CLVS2: variants seen among roughly 807,000 people sequenced by gnomAD.
CLVS2 encodes the protein clavesin-2.
A neutral mutation model predicts 29.0 loss-of-function variants in CLVS2; 19 were observed. The observed-to-expected ratio is 0.66, with a 90% confidence interval of 0.46 to 0.96. CLVS2 has a LOEUF of 0.96. Ranked by LOEUF, CLVS2 falls within the 40% of genes least tolerant of loss-of-function variation. The pLI, the probability that CLVS2 is intolerant of heterozygous loss-of-function variation, is 0.00. For missense variants in CLVS2, 294 were observed against 404.1 expected, an observed-to-expected ratio of 0.73 and a Z score of 2.34; for synonymous variants, 161 against 151.3, an observed-to-expected ratio of 1.06 and a Z score of -0.47.
chr6:123,037,043 G>T (rs1367479415), intron 3 of CLVS2, among the ~76,000 whole-genome samples: 1 of 152,072 alleles, frequency 6.6e-6, no homozygotes, highest in Non-Finnish European at 1.5e-5. Context: ...GCCTTTACAT[G>T]TATTCATGAA....
chr6:123,022,567 T>G (rs895098995), intron 3 of CLVS2, among the ~76,000 whole-genome samples: 1 of 152,050 alleles, frequency 6.6e-6, no homozygotes, highest in Non-Finnish European at 1.5e-5. Flanking sequence ...ATGATAAAGA[T>G]GATACTCTTC....
intron 2 of CLVS2, 44 bp downstream of exon 2, chr6:122,998,210 T>C: frequency 3.2e-6 from 5 of 1,562,172 alleles, no homozygotes; most frequent in Non-Finnish European, 4.3e-6. Context: ...TACTCTCCCA[T>C]TTTCCAGAAT....
intron 2 of CLVS2, among the ~76,000 whole-genome samples, chr6:123,010,374 C>A (rs1383589532): frequency 1.3e-5 from 2 of 151,812 alleles, no homozygotes; most frequent in African/African-American, 4.8e-5. Context: ...AAACAAAACA[C>A]AACAAAAAAA....
At position 122,996,262 on chromosome 6, in the gene CLVS2, C is replaced by T. The variant is rs770141475; in HGVS notation, c.-1044C>T. The stretch of plus-strand genomic sequence containing the variant: ...CCTCTTTCAGCAGCAGCAGCCGGAG[C>T]CGCCGCCGCAGCCCGGTGGGGCAAC... On this transcript the variant is annotated 5_prime_UTR_variant, in exon 1 of 6. Coordinates refer to ENST00000275162, the MANE Select transcript of CLVS2 (RefSeq NM_001010852.4). 3.8e-5 allele frequency: 6 copies of T among 156,422 alleles called. No homozygotes were observed. Among genetic ancestry groups the T allele is most frequent in the Admixed American group, 6.5e-5 (1 of 15,336 alleles). The allele number at this position is 156,422 out of a possible 1,614,324, so 9.7% of individuals were successfully genotyped here.
rs1772921500 is a variant in CLVS2, at chr6:123,070,186, G to A, written c.*6425G>A. 6.6e-6 allele frequency: 1 copy of A among 151,842 alleles called. No homozygotes were observed. Among genetic ancestry groups the A allele is most frequent in the African/African-American group, 2.4e-5 (1 of 41,384 alleles). 9.4% of individuals were successfully genotyped at this position (151,842 alleles called of 1,614,324 possible). A position where few individuals can be genotyped will look rare whatever the true frequency, so the allele number is the denominator to read the frequency against. ...AACAATTTTAATTGGATGGCTAATG[G>A]ATATGGCGGATTTAACATTTACAAA... is the stretch of plus-strand genomic sequence containing the variant. On this transcript the variant is annotated 3_prime_UTR_variant, in exon 6 of 6. Transcript: ENST00000275162.
chr6:123,023,854 T>C (rs1240963643), intron 3 of CLVS2, among the ~76,000 whole-genome samples: 1 of 152,108 alleles, frequency 6.6e-6, no homozygotes, highest in Non-Finnish European at 1.5e-5. Flanking sequence ...TTTTATCACA[T>C]CAAAAATAGG....
intron 3 of CLVS2, among the ~76,000 whole-genome samples, chr6:123,031,461 A>G (rs1474584274): frequency 6.6e-6 from 1 of 152,194 alleles, no homozygotes; most frequent in Non-Finnish European, 1.5e-5. Flanking sequence ...ACTATACTTA[A>G]TAATAACTGT....
Position 123,066,063 on chromosome 6 carries a change from G to A in CLVS2, c.*2302G>A, listed in dbSNP as rs529759403. 1.3e-5 allele frequency: 2 copies of A among 151,592 alleles called. No homozygotes were observed. Among genetic ancestry groups the A allele is most frequent in the Non-Finnish European group, 3.0e-5 (2 of 67,690 alleles). The allele number at this position is 151,592 out of a possible 1,614,324, so 9.4% of individuals were successfully genotyped here. A position where few individuals can be genotyped will look rare whatever the true frequency, so the allele number is the denominator to read the frequency against. On this transcript the variant is annotated 3_prime_UTR_variant, in exon 6 of 6. Coordinates refer to ENST00000275162, the MANE Select transcript of CLVS2 (RefSeq NM_001010852.4). ...TTGTGTAAAATATTTTAAAATGAAT[G>A]AACAAATTACAATGATGATGCCTTT...
intron 3 of CLVS2, among the ~76,000 whole-genome samples, chr6:123,033,511 C>A (rs1413267596): frequency 6.6e-6 from 1 of 151,860 alleles, no homozygotes; most frequent in Non-Finnish European, 1.5e-5. Flanking sequence ...AAAGCACAGG[C>A]AAATGAAACA....
At chr6:122,999,034 T>C (rs1045009746) in intron 2 of CLVS2, among the ~76,000 whole-genome samples, 3 of 152,214 alleles carry the variant, frequency 2.0e-5, no homozygotes, top group Non-Finnish European at 4.4e-5. Flanking sequence ...CTGAAAGATA[T>C]AAGAAATTAT....
At chr6:123,008,213 T>TG (rs1164149394) in intron 2 of CLVS2, among the ~76,000 whole-genome samples, 1 of 152,122 alleles carries the variant, frequency 6.6e-6, no homozygotes, top group African/African-American at 2.4e-5. Flanking sequence ...TAAATTAATG[T>TG]AATTTTTATA....
intron 3 of CLVS2, among the ~76,000 whole-genome samples, chr6:123,032,961 A>T (rs1389099418): frequency 6.6e-6 from 1 of 152,084 alleles, no homozygotes; most frequent in African/African-American, 2.4e-5. Context: ...TTGTTTCTTT[A>T]TATAGGTAAG....
At chr6:123,041,634 A>T (rs1299226533) in intron 3 of CLVS2, among the ~76,000 whole-genome samples, 1 of 152,212 alleles carries the variant, frequency 6.6e-6, no homozygotes, top group Non-Finnish European at 1.5e-5. Context: ...ATATTAACAC[A>T]TATAGAATGG....
intron 3 of CLVS2, among the ~76,000 whole-genome samples, chr6:123,012,392 A>G (rs1774761551): frequency 6.6e-6 from 1 of 151,954 alleles, no homozygotes; most frequent in South Asian, 2.1e-4. Context: ...CTAGCCTTTT[A>G]TAATTGTTAT....
chr6:123,037,534 T>C (rs1775171934), intron 3 of CLVS2, among the ~76,000 whole-genome samples: 2 of 152,110 alleles, frequency 1.3e-5, no homozygotes, highest in African/African-American at 4.8e-5. Flanking sequence ...ATCACTGTCT[T>C]CTGCTCTAAG....
intron 4 of CLVS2, among the ~76,000 whole-genome samples, chr6:123,049,594 T>C (rs1772572067): frequency 6.6e-6 from 1 of 152,156 alleles, no homozygotes; most frequent in African/African-American, 2.4e-5. Flanking sequence ...TATAGAGCTA[T>C]TTTTACTTCC....
chr6:123,020,514 T>G (rs1258286854), intron 3 of CLVS2, among the ~76,000 whole-genome samples: 1 of 152,020 alleles, frequency 6.6e-6, no homozygotes, highest in Admixed American at 6.6e-5. Context: ...AACAAGAAAC[T>G]TTCAGAAATG....
chr6:122,999,248 C>A (rs1774554999), intron 2 of CLVS2, among the ~76,000 whole-genome samples: 2 of 152,146 alleles, frequency 1.3e-5, no homozygotes, highest in Admixed American at 1.3e-4. Context: ...TTACAGTTAC[C>A]AAGAGGGCTT....
At chr6:123,017,591 C>T (rs997254086) in intron 3 of CLVS2, among the ~76,000 whole-genome samples, 7 of 151,902 alleles carry the variant, frequency 4.6e-5, no homozygotes, top group Non-Finnish European at 8.8e-5. Flanking sequence ...GAATGAAAAC[C>T]CTAAAGTTGC....
Sources: allele counts gnomAD v4.1 joint callset (sites outside exome capture counted in the v4.1 genomes callset), GRCh38; gene constraint gnomAD v4.1.1; transcripts MANE v1.5; gene names NCBI Gene and HGNC (gene_info 2026-07-23, HGNC 2026-07-21).